Variants in GLI2 observed in about 807,000 individuals in gnomAD.
GLI2 encodes GLI family zinc finger 2.
GLI2 carries 22 observed loss-of-function variants against 78.9 expected under a neutral mutation model. The observed-to-expected ratio is 0.28, with a 90% confidence interval of 0.20 to 0.40. GLI2 has a LOEUF of 0.40. GLI2 is among the 10% of genes least tolerant of loss of function. The probability of loss-of-function intolerance (pLI) is 1.00; values close to 1 mark genes in which losing one functional copy is unlikely to be tolerated. For synonymous variants in GLI2, 974 were observed against 963.7 expected (o/e 1.01, Z -0.20); for missense variants, 2,097 against 2,213.2 (o/e 0.95, Z 1.05).
rs937525206 is a variant in GLI2, at chr2:120,947,794, G to A, written c.255-3449G>A. Among the ~76,000 whole-genome samples the A allele has an allele frequency of 2.6e-5, 4 of 152,234 alleles. No homozygotes were observed. The East Asian group carries it at 7.7e-4, about 29-fold the overall frequency. On this transcript the variant is annotated intron_variant, in intron 3 of 13. Transcript: ENST00000361492. ...GCCAGTGCCCTTGAAGGGACAGGCA[G>A]TGCCAGGTGCAGCATCCTGCCCCAC...
chr2:120,816,401 G>A (rs576004657), intron 2 of GLI2, among the ~76,000 whole-genome samples: 1 of 152,046 alleles, frequency 6.6e-6, no homozygotes, highest in South Asian at 2.1e-4. Flanking sequence ...TGCCATGTTG[G>A]CCAGGCTGGT....
At chr2:120,772,360 G>A (rs1309830292) in intron 1 of GLI2, among the ~76,000 whole-genome samples, 1 of 152,128 alleles carries the variant, frequency 6.6e-6, no homozygotes, top group East Asian at 1.9e-4. Flanking sequence ...AGTCACTATT[G>A]GTCTTGTGTT....
chr2:120,752,565 G>T (rs554412313), intron 1 of GLI2, among the ~76,000 whole-genome samples: 53 of 152,132 alleles, frequency 3.5e-4, no homozygotes, highest in African/African-American at 1.3e-3. Context: ...CACCGCACCT[G>T]GCCCTATCTT....
intron 9 of GLI2, 100 bp from the exon 10 acceptor site, chr2:120,978,334 G>C (rs1682556659): frequency 7.5e-7 from 1 of 1,332,732 alleles, no homozygotes; most frequent in African/African-American, 1.4e-5. Flanking sequence ...AGGTCGGGGA[G>C]GGCTGGGGGG....
At chr2:120,829,181 A>G (rs565229086) in intron 2 of GLI2, among the ~76,000 whole-genome samples, 1 of 152,348 alleles carries the variant, frequency 6.6e-6, no homozygotes, top group African/African-American at 2.4e-5. Flanking sequence ...ATACACTTAT[A>G]CACACATGCA....
chr2:120,749,028 GT>G (rs1036261032), intron 1 of GLI2, among the ~76,000 whole-genome samples: 1 of 152,038 alleles, frequency 6.6e-6, no homozygotes, highest in Non-Finnish European at 1.5e-5. Flanking sequence ...TTTGCTGTTG[GT>G]CTTTGGTGTA....
chr2:120,900,332 T>A (rs2104778870), intron 2 of GLI2, among the ~76,000 whole-genome samples: 1 of 152,334 alleles, frequency 6.6e-6, no homozygotes, highest in Non-Finnish European at 1.5e-5. Context: ...TGCCAGCTTC[T>A]GAATCCACAG....
At chr2:120,974,218 T>A (rs994369743) in intron 8 of GLI2, among the ~76,000 whole-genome samples, 1 of 152,118 alleles carries the variant, frequency 6.6e-6, no homozygotes, top group African/African-American at 2.4e-5. Context: ...CCGTGGACTT[T>A]CCGTCCCTAC....
chr2:120,923,252 G>A (rs1184304201), intron 2 of GLI2, among the ~76,000 whole-genome samples: 2 of 150,590 alleles, frequency 1.3e-5, no homozygotes, highest in Non-Finnish European at 3.0e-5. Flanking sequence ...ACACACAACA[G>A]CACACACATA....
chr2:120,880,821 G>T (rs533292501), intron 2 of GLI2, among the ~76,000 whole-genome samples: 1 of 152,300 alleles, frequency 6.6e-6, no homozygotes, highest in African/African-American at 2.4e-5. Flanking sequence ...AGGTGAAAAT[G>T]AGCTTAATCT....
intron 2 of GLI2, among the ~76,000 whole-genome samples, chr2:120,909,729 G>A (rs1289317859): frequency 2.6e-5 from 4 of 152,084 alleles, no homozygotes; most frequent in African/African-American, 7.2e-5. Context: ...GCCGGGAGTG[G>A]TGGTGGGCGC....
chr2:120,909,343 C>T (rs115866680), intron 2 of GLI2, among the ~76,000 whole-genome samples: 3,144 of 152,244 alleles, frequency 0.021, 52 homozygotes, highest in Non-Finnish European at 0.032. Context: ...TCCCCTGCTG[C>T]CCTTCCCTCA....
intron 1 of GLI2, among the ~76,000 whole-genome samples, chr2:120,796,508 C>A (rs930496702): frequency 1.3e-5 from 2 of 152,240 alleles, no homozygotes; most frequent in South Asian, 4.1e-4. Context: ...TCCCACAAGG[C>A]CCCTGGCTCC....
chr2:120,935,945 C>G (rs1468580912), intron 3 of GLI2, among the ~76,000 whole-genome samples: 1 of 152,166 alleles, frequency 6.6e-6, no homozygotes, highest in Non-Finnish European at 1.5e-5. Flanking sequence ...CCGTGGTGGT[C>G]AGCCGAGAGC....
At chr2:120,741,674 C>T (rs188127145) in intron 1 of GLI2, among the ~76,000 whole-genome samples, 28 of 152,182 alleles carry the variant, frequency 1.8e-4, no homozygotes, top group Admixed American at 1.0e-3. Flanking sequence ...TTCCGCCACG[C>T]GGAGCGCTGG....
At chr2:120,877,541 C>G (rs1688819257) in intron 2 of GLI2, among the ~76,000 whole-genome samples, 1 of 152,146 alleles carries the variant, frequency 6.6e-6, no homozygotes, top group Admixed American at 6.6e-5. Context: ...ACCACTCCCC[C>G]ATTTTGGGAC....
intron 2 of GLI2, among the ~76,000 whole-genome samples, chr2:120,810,704 C>G (rs4848634): frequency 0.99 from 150,450 of 152,364 alleles, 74,288 homozygotes; most frequent in Middle Eastern, 1. Flanking sequence ...AGGACACTTG[C>G]TGCAAGCAAC....
chr2:120,764,153 G>T (rs1224173736), intron 1 of GLI2, among the ~76,000 whole-genome samples: 2 of 152,258 alleles, frequency 1.3e-5, no homozygotes, highest in African/African-American at 4.8e-5. Flanking sequence ...GGGAGGGTAG[G>T]CTCTGCCCTG....
Position 120,955,382 on chromosome 2 carries a change from G to T in GLI2, c.595G>T (p.Gly199Cys). The T allele has an allele frequency of 6.2e-7, 1 of 1,612,274 alleles. No homozygotes were observed. The highest frequency in any genetic ancestry group is 8.5e-7 in the Non-Finnish European group (1 of 1,178,826). The change falls in exon 5 of 14, where the codon GGC becomes TGC. Residue 199 changes from glycine (G) to cysteine (C), a missense_variant. Gly to Cys is a radical substitution (Grantham distance 159). This residue lies in a region of GLI2 where 578 missense variants were observed against 612.0 expected (regional missense o/e 0.94). Coordinates refer to ENST00000361492, the MANE Select transcript of GLI2 (RefSeq NM_001374353.1). The stretch of plus-strand genomic sequence containing the variant: ...CGGGGACCTGCTGATGCAGAGCGGG[G>T]GCGCTGCCAGCGCACCCCATCTCCA... ...PYGDLLMQSG[G>C]AASAPHLHDY...
Sources: allele counts gnomAD v4.1 joint callset (sites outside exome capture counted in the v4.1 genomes callset), GRCh38; gene constraint gnomAD v4.1.1; regional missense constraint gnomAD v4.1.1; transcripts MANE v1.5; gene names NCBI Gene and HGNC (gene_info 2026-07-23, HGNC 2026-07-21).